URGCP: variants seen among roughly 807,000 people sequenced by gnomAD.
URGCP encodes up-regulator of cell proliferation.
Under a neutral mutation model 24.6 loss-of-function variants are expected in URGCP, and 13 were observed. The observed-to-expected ratio is 0.53, with a 90% confidence interval of 0.34 to 0.84. The LOEUF is 0.84. URGCP is among the 40% of genes least tolerant of loss of function. The pLI is 0.01. For missense variants in URGCP, 899 were observed against 1,194.3 expected, an observed-to-expected ratio of 0.75 and a Z score of 3.64; for synonymous variants, 444 against 487.2, an observed-to-expected ratio of 0.91 and a Z score of 1.17.
chr7:43,888,270 G>A (rs570962389), intron 1 of URGCP: 1 of 153,384 alleles, frequency 6.5e-6, no homozygotes, highest in Admixed American at 6.5e-5. Flanking sequence ...GGAAGGCTGA[G>A]GCGGGCGGAT....
chr7:43,919,830 A>T, intron 1 of URGCP: 1 of 1,270,170 alleles, frequency 7.9e-7, no homozygotes, highest in Non-Finnish European at 1.2e-6. Context: ...TGGGCGCATG[A>T]TGGCCAACCA....
At chr7:43,889,946 C>G (rs2132673735) in intron 1 of URGCP, among the ~76,000 whole-genome samples, 1 of 151,980 alleles carries the variant, frequency 6.6e-6, no homozygotes, top group East Asian at 1.9e-4. Flanking sequence ...GCTTTGTCAC[C>G]CAGGTTGGAG....
intron 1 of URGCP, among the ~76,000 whole-genome samples, chr7:43,890,799 C>T (rs527733240): frequency 1.0e-3 from 159 of 152,350 alleles, no homozygotes; most frequent in African/African-American, 3.5e-3. Flanking sequence ...CAGAAAGAAT[C>T]AAGCCCCTGA....
At chr7:43,913,148 G>A (rs1381888341) in intron 1 of URGCP, among the ~76,000 whole-genome samples, 6 of 152,148 alleles carry the variant, frequency 3.9e-5, no homozygotes, top group African/African-American at 1.4e-4. Flanking sequence ...ATCCCGCCCA[G>A]CCTCTCCCAT....
chr7:43,894,333 A>C (rs2132684870), intron 1 of URGCP, among the ~76,000 whole-genome samples: 1 of 152,252 alleles, frequency 6.6e-6, no homozygotes, highest in South Asian at 2.1e-4. Flanking sequence ...GCACAAAATA[A>C]ATCAACAAAT....
At chr7:43,894,859 A>T (rs1051673482) in intron 1 of URGCP, among the ~76,000 whole-genome samples, 1 of 152,144 alleles carries the variant, frequency 6.6e-6, no homozygotes, top group Non-Finnish European at 1.5e-5. Flanking sequence ...AGGAGACTTC[A>T]TCTCTACAAA....
chr7:43,876,550 C>G lies in URGCP; in HGVS notation c.*117G>C. 8.7e-7 allele frequency: 1 copy of G among 1,154,240 alleles called. No homozygotes were observed. The highest frequency in any genetic ancestry group is 1.2e-6 in the Non-Finnish European group (1 of 809,706). The allele number at this position is 1,154,240 out of a possible 1,614,324, so 71.5% of individuals were successfully genotyped here. ...AAACCCTGTCTTTTCCTCGTCTTCT[C>G]ATGTCGATTGGGCACCAGCCATTCT... On this transcript the variant is annotated 3_prime_UTR_variant, in exon 6 of 6. Coordinates refer to ENST00000453200, the MANE Select transcript of URGCP (RefSeq NM_001077663.3).
rs747772435 is a variant in URGCP at position 43,876,695 on chromosome 7, T to G, written c.2768A>C (p.Gln923Pro). 6.2e-7 allele frequency: 1 copy of G among 1,614,108 alleles called. No homozygotes were observed. Among genetic ancestry groups the G allele is most frequent in the Admixed American group, 1.7e-5 (1 of 60,010 alleles). Residue 923 changes from glutamine (Q) to proline (P), a missense_variant, in exon 6 of 6, where the codon CAG becomes CCG. Physicochemically the swap from Gln to Pro is moderately conservative, Grantham distance 76. Transcript: ENST00000453200. ...GLSNQNKNIQ[Q>P]LIELVRRL The stretch of plus-strand genomic sequence containing the variant: ...CAGCCGTCTCACCAGCTCAATGAGC[T>G]GCTGGATGTTTTTGTTTTGGTTCGA...
chr7:43,880,720 C>T lies in URGCP; in HGVS notation c.202+939G>A, dbSNP rs779830788. On this transcript the variant is annotated intron_variant, in intron 5 of 5. Coordinates refer to ENST00000453200, the MANE Select transcript of URGCP (RefSeq NM_001077663.3). ...TCCCAAAGTGCTGGATGTGAGGCACCGTGCTGAGTCACTTTAAATGTTAAT... is the reference window on the plus strand; with the variant it reads ...TCCCAAAGTGCTGGATGTGAGGCACTGTGCTGAGTCACTTTAAATGTTAAT... Among the ~76,000 whole-genome samples the T allele has an allele frequency of 4.6e-5, 7 of 152,214 alleles. No homozygotes were observed. The South Asian group carries it at 1.0e-3, about 23-fold the overall frequency.
intron 1 of URGCP, among the ~76,000 whole-genome samples, chr7:43,918,305 CCCTTT>C (rs1250686931): frequency 6.6e-6 from 1 of 150,948 alleles, no homozygotes; most frequent in African/African-American, 2.4e-5. Flanking sequence ...GATTTCCTTT[CCCTTT>C]CCTTTCCCTT....
chr7:43,906,125 G>A (rs1290083865), intron 1 of URGCP: 6 of 152,148 alleles, frequency 3.9e-5, no homozygotes, highest in African/African-American at 1.4e-4. Context: ...ACGCGAGCAA[G>A]TTTAAAACCC....
intron 3 of URGCP, among the ~76,000 whole-genome samples, chr7:43,884,312 G>A (rs908011265): frequency 3.3e-5 from 5 of 152,146 alleles, no homozygotes; most frequent in Non-Finnish European, 5.9e-5. Context: ...ACACAAAACA[G>A]CAAACATGGG....
At position 43,887,455 on chromosome 7, in the gene URGCP, T is replaced by G; in HGVS notation, c.72A>C (p.Glu24Asp). The change falls in exon 3 of 6, where the codon GAA (glutamate) becomes GAC (aspartate). Residue 24 changes from glutamate to aspartate, a missense_variant. Physicochemically the swap from Glu to Asp is conservative, Grantham distance 45. Coordinates refer to ENST00000453200, the MANE Select transcript of URGCP (RefSeq NM_001077663.3). Reference sequence around the variant, plus strand: ...CTGTTCGTCTCTCTGATGCTTTTATTTCTGGGGCTACTTCTCCCAAATCTG... The same window carrying G: ...CTGTTCGTCTCTCTGATGCTTTTATGTCTGGGGCTACTTCTCCCAAATCTG... ...GHSDLGEVAP[E>D]IKASERRTAV... 1 of 1,613,904 alleles carries G rather than the reference T, an allele frequency of 6.2e-7. No homozygotes were observed. Among genetic ancestry groups the G allele is most frequent in the Non-Finnish European group, 8.5e-7 (1 of 1,179,842 alleles).
rs765960408 is a variant in URGCP at position 43,877,332 on chromosome 7, T to C, written c.2131A>G (p.Thr711Ala). 16 of 1,612,592 alleles carry C rather than the reference T, an allele frequency of 9.9e-6. No individual in the cohort carries two copies. The highest frequency in any genetic ancestry group is 3.3e-5 in the Admixed American group (2 of 60,000). ...GTGGCAAACCGCAGCCCAAACATGG[T>C]GTTGAGGAGTGTGGACTTGCCCGTG... ...PGTGKSTLLN[T>A]MFGLRFATGK... The change falls in exon 6 of 6, where the codon ACC (threonine) becomes GCC (alanine). Residue 711 changes from threonine to alanine, a missense_variant. Transcript: ENST00000453200.
chr7:43,917,262 A>G (rs1216506158), intron 1 of URGCP, among the ~76,000 whole-genome samples: 4 of 152,206 alleles, frequency 2.6e-5, no homozygotes, highest in Non-Finnish European at 5.9e-5. Context: ...GTAAAGTTTT[A>G]ATTAATAAAA....
At position 43,878,370 on chromosome 7, in the gene URGCP, TATTGTC is replaced by T; in HGVS notation, c.1087_1092del (p.Asp363_Asn364del). On this transcript the variant is annotated inframe_deletion, in exon 6 of 6. Transcript: ENST00000453200. The surrounding 1 kb of genome is among the most constrained non-coding windows in gnomAD (Gnocchi z 5.6). ...AGCAATTTGTATTCCTTCTTACTGA[TATTGTC>T]AGTCAATATAAACACAGCGGAGGAG... The T allele has an allele frequency of 6.2e-7, 1 of 1,614,230 alleles. No individual in the cohort carries two copies. The highest frequency in any genetic ancestry group is 8.5e-7 in the Non-Finnish European group (1 of 1,180,046).
In URGCP at chr7:43,876,389, G is replaced by A. The variant is rs751139248; in HGVS notation, c.*278C>T. The stretch of plus-strand genomic sequence containing the variant: ...AGCAGCTATACAGAGGGCCCACCCC[G>A]CAGGATCCTTGACAGGAGCTGAGAC... On this transcript the variant is annotated 3_prime_UTR_variant, in exon 6 of 6. Coordinates refer to ENST00000453200, the MANE Select transcript of URGCP (RefSeq NM_001077663.3). The A allele has an allele frequency of 1.3e-4, 56 of 440,438 alleles. No homozygotes were observed. The highest frequency in any genetic ancestry group is 5.0e-4 in the African/African-American group (25 of 50,346). 27.3% of individuals were successfully genotyped at this position (440,438 alleles called of 1,614,324 possible).
At chr7:43,919,658 C>A in intron 1 of URGCP, 1 of 1,371,510 alleles carries the variant, frequency 7.3e-7, no homozygotes, top group Non-Finnish European at 1.0e-6. Context: ...ACATCACCAT[C>A]CTCAACACCA....
At chr7:43,882,357 A>G (rs943078942) in intron 3 of URGCP, among the ~76,000 whole-genome samples, 7 of 152,160 alleles carry the variant, frequency 4.6e-5, no homozygotes, top group Non-Finnish European at 8.8e-5. Flanking sequence ...GGCTGAGACA[A>G]AATAATTGCT....
Sources: gnomAD v4.1 joint callset for allele counts (sites outside exome capture counted in the v4.1 genomes callset) on GRCh38, gnomAD v4.1.1 for gene constraint, Gnocchi (gnomAD v3.1) non-coding constraint, MANE v1.5 for transcripts, NCBI Gene and HGNC (gene_info 2026-07-23, HGNC 2026-07-21) for gene names.